Variants in PCDHA11 observed in about 807,000 individuals in gnomAD.
The protein encoded by PCDHA11 is protocadherin alpha-11.
A neutral mutation model predicts 70.3 loss-of-function variants in PCDHA11; 61 were observed. The ratio of observed to expected loss-of-function variants is 0.87; its 90% CI spans 0.71 to 1.07. PCDHA11 has a LOEUF of 1.07. Ranked by LOEUF, PCDHA11 falls within the 50% of genes least tolerant of loss-of-function variation. The pLI is 0.00. For missense variants in PCDHA11, 1,324 were observed against 1,237.5 expected (o/e 1.07, Z -1.05); for synonymous variants, 633 against 555.1 (o/e 1.14, Z -1.97).
intron 1 of PCDHA11, chr5:140,928,374 C>T (rs782659188): frequency 6.2e-7 from 1 of 1,614,172 alleles, no homozygotes; most frequent in Non-Finnish European, 8.5e-7. Flanking sequence ...GGCCATCAGC[C>T]TCTAGCTTGC....
chr5:141,010,353 G>T lies in PCDHA11; in HGVS notation c.*416G>T. On this transcript the variant is annotated 3_prime_UTR_variant, in exon 4 of 4. Transcript: ENST00000398640. Reference sequence around the variant, plus strand: ...AGTTTGTGGCCACTGGGTATGTGTGGCTACCGCGGGTATGCGAGTGCCAGA... The same window carrying T: ...AGTTTGTGGCCACTGGGTATGTGTGTCTACCGCGGGTATGCGAGTGCCAGA... The T allele has an allele frequency of 6.6e-7, 1 of 1,507,486 alleles. No homozygotes were observed. Among genetic ancestry groups the T allele is most frequent in the Non-Finnish European group, 8.9e-7 (1 of 1,128,244 alleles). 93.4% of individuals were successfully genotyped at this position (1,507,486 alleles called of 1,614,324 possible).
At chr5:140,921,832 A>G (rs1276240870) in intron 1 of PCDHA11, among the ~76,000 whole-genome samples, 1 of 152,120 alleles carries the variant, frequency 6.6e-6, no homozygotes, top group African/African-American at 2.4e-5. Flanking sequence ...CTATACACAT[A>G]TAGACATATT....
intron 1 of PCDHA11, among the ~76,000 whole-genome samples, chr5:140,910,284 A>G (rs2153514340): frequency 6.6e-6 from 1 of 152,292 alleles, no homozygotes; most frequent in East Asian, 1.9e-4. Context: ...GAACACCATG[A>G]TTAATCAACA....
At chr5:140,897,872 A>G (rs1327007992) in intron 1 of PCDHA11, among the ~76,000 whole-genome samples, 1 of 152,068 alleles carries the variant, frequency 6.6e-6, no homozygotes, top group Non-Finnish European at 1.5e-5. Context: ...CTTTTTAATG[A>G]TTGCCATTCT....
intron 1 of PCDHA11, among the ~76,000 whole-genome samples, chr5:140,954,068 G>A (rs1404063517): frequency 6.6e-6 from 1 of 152,174 alleles, no homozygotes; most frequent in South Asian, 2.1e-4. Context: ...TTATGCTGAG[G>A]ATAATGGCTT....
At position 140,870,106 on chromosome 5, in the gene PCDHA11, G is replaced by A; in HGVS notation, c.1003G>A (p.Val335Ile). Reference sequence around the variant, plus strand: ...TCCCCCAATGGCAGGTCACTGTACAGTCTGGGTGGAAATCTTGGACACCAA... The same window carrying A: ...TCCCCCAATGGCAGGTCACTGTACAATCTGGGTGGAAATCTTGGACACCAA... The part of the protein sequence containing the change: ...GTPPMAGHCT[V>I]WVEILDTNDN... The change falls in exon 1 of 4, where the codon GTC becomes ATC. Residue 335 changes from valine to isoleucine, a missense_variant. By Grantham distance (29) the Val-to-Ile change is conservative. Coordinates refer to ENST00000398640, the MANE Select transcript of PCDHA11 (RefSeq NM_018902.5). The A allele has an allele frequency of 1.9e-6, 3 of 1,613,922 alleles. No individual in the cohort carries two copies. Among genetic ancestry groups the A allele is most frequent in the Non-Finnish European group, 2.5e-6 (3 of 1,179,890 alleles).
At position 141,009,806 on chromosome 5, in the gene PCDHA11, A is replaced by G. The variant is rs781853535; in HGVS notation, c.2719A>G (p.Ile907Val). 18 of 1,614,018 alleles carry G rather than the reference A, an allele frequency of 1.1e-5. No individual in the cohort carries two copies. Among genetic ancestry groups the G allele is most frequent in the Non-Finnish European group, 1.5e-5 (18 of 1,180,028 alleles). ...SIRQEPTNSQ[I>V]DKSDFITFGK... is the part of the protein sequence containing the mutation. ...CCGGCAGGAGCCTACTAACAGCCAA[A>G]TTGACAAAAGTGACTTCATAACCTT... The change falls in exon 4 of 4, where the codon ATT becomes GTT. Residue 907 changes from isoleucine (I) to valine (V), a missense_variant. Physicochemically the swap from Ile to Val is conservative, Grantham distance 29 (BLOSUM62 3). Coordinates refer to ENST00000398640, the MANE Select transcript of PCDHA11 (RefSeq NM_018902.5).
chr5:140,870,578 C>A lies in PCDHA11; in HGVS notation c.1475C>A (p.Ser492Ter). Residue 492 changes from serine (S) to a stop codon, truncating the protein, a stop_gained, in exon 1 of 4, where the codon TCG (serine) becomes TAG (stop). Transcript: ENST00000398640. LOFTEE classifies it high-confidence loss of function. ...DAQENALVSY[S>*]LVERRLGDRA... is the part of the protein sequence containing the mutation. The stretch of plus-strand genomic sequence containing the variant: ...CAGGAGAACGCGCTGGTGTCCTACT[C>A]GCTGGTGGAGCGGCGGTTGGGCGAC... 1 of 1,613,882 alleles carries A rather than the reference C, an allele frequency of 6.2e-7. No individual in the cohort carries two copies.
intron 1 of PCDHA11, among the ~76,000 whole-genome samples, chr5:140,956,473 A>G (rs1269855039): frequency 1.1e-4 from 17 of 152,136 alleles, no homozygotes; most frequent in Admixed American, 1.1e-3. Context: ...CATATGTTGA[A>G]CCAGTCTTGC....
At chr5:141,006,445 C>T (rs1202981865) in intron 3 of PCDHA11, among the ~76,000 whole-genome samples, 2 of 152,062 alleles carry the variant, frequency 1.3e-5, no homozygotes, top group Non-Finnish European at 2.9e-5. Context: ...AATCTCCTGA[C>T]CTCGAGATCT....
At chr5:140,907,181 A>T (rs1216886799) in intron 1 of PCDHA11, among the ~76,000 whole-genome samples, 3 of 152,220 alleles carry the variant, frequency 2.0e-5, no homozygotes, top group African/African-American at 7.2e-5. Context: ...GATTCAGAGC[A>T]TACACAACCT....
intron 1 of PCDHA11, among the ~76,000 whole-genome samples, chr5:140,918,454 C>A (rs1168986520): frequency 6.6e-6 from 1 of 152,158 alleles, no homozygotes; most frequent in Non-Finnish European, 1.5e-5. Context: ...CAGTGGGCAT[C>A]CTTGTCTTAT....
At position 140,871,233 on chromosome 5, in the gene PCDHA11, G is replaced by A. The variant is rs1277389723; in HGVS notation, c.2130G>A (p.Leu710=). 5 of 1,613,838 alleles carry A rather than the reference G, an allele frequency of 3.1e-6. No individual in the cohort carries two copies. The African/African-American group carries it at 6.7e-5, about 22-fold the overall frequency. Residue 710 remains leucine, a synonymous_variant, in exon 1 of 4, where the codon CTG becomes CTA. Transcript: ENST00000398640. ...IIAICVVSSL[L]VLTLLLYTAL... ...CCATCTGCGTGGTGTCCAGCCTCCT[G>A]GTACTCACGCTGCTGCTGTATACGG...
Position 140,871,031 on chromosome 5 carries a change from G to C in PCDHA11, c.1928G>C (p.Arg643Pro), listed in dbSNP as rs543880939. ...TRALDEADSP[R>P]HRLLVLVKDH... is the part of the protein sequence containing the mutation. ...GCCCTGGACGAGGCAGACTCGCCGC[G>C]CCACCGACTTCTAGTACTGGTGAAG... The change falls in exon 1 of 4, where the codon CGC (arginine) becomes CCC (proline). Residue 643 changes from arginine to proline, a missense_variant. Transcript: ENST00000398640. 4 of 1,613,210 alleles carry C rather than the reference G, an allele frequency of 2.5e-6. No individual in the cohort carries two copies. The highest frequency in any genetic ancestry group is 3.3e-4 in the Middle Eastern group (2 of 6,062).
chr5:140,876,870 G>A (rs1278762768), intron 1 of PCDHA11: 2 of 1,614,000 alleles, frequency 1.2e-6, no homozygotes, highest in Non-Finnish European at 1.7e-6. Flanking sequence ...TCGTGAAGGA[G>A]AACAACCCGC....
intron 1 of PCDHA11, among the ~76,000 whole-genome samples, chr5:140,976,726 T>C (rs2096728998): frequency 6.6e-6 from 1 of 152,202 alleles, no homozygotes; most frequent in East Asian, 1.9e-4. Context: ...TTCATTTATT[T>C]AAACACATTT....
intron 1 of PCDHA11, among the ~76,000 whole-genome samples, chr5:140,916,018 T>C (rs550604062): frequency 6.6e-6 from 1 of 152,254 alleles, no homozygotes; most frequent in East Asian, 1.9e-4. Flanking sequence ...ACAAAGTCTT[T>C]CCCATTCTTC....
intron 1 of PCDHA11, among the ~76,000 whole-genome samples, chr5:140,905,904 C>T (rs2072197856): frequency 6.6e-6 from 1 of 152,160 alleles, no homozygotes; most frequent in African/African-American, 2.4e-5. Context: ...AGCTGAGGAG[C>T]AAGGAATCCA....
At chr5:140,877,697 C>A in intron 1 of PCDHA11, 2 of 1,613,912 alleles carry the variant, frequency 1.2e-6, no homozygotes, top group Non-Finnish European at 1.7e-6. Context: ...CTGGTGTGCT[C>A]CAGCGCCGTG....
Sources: gnomAD v4.1 joint callset for allele counts (sites outside exome capture counted in the v4.1 genomes callset) on GRCh38, gnomAD v4.1.1 for gene constraint, MANE v1.5 for transcripts, NCBI Gene and HGNC (gene_info 2026-07-23, HGNC 2026-07-21) for gene names.